The following DPP10 variants were observed in gnomAD, a reference collection of about 807,000 sequenced individuals.
The protein encoded by DPP10 is dipeptidyl peptidase like 10.
In DPP10, 33 loss-of-function variants were observed where a neutral mutation model predicts 120.9. The observed-to-expected ratio is 0.27, with a 90% CI of 0.21 to 0.37. The LOEUF is 0.37. Ranked by LOEUF, DPP10 falls within the 10% of genes least tolerant of loss-of-function variation. The pLI is 1.00. For missense variants in DPP10, 816 were observed against 942.8 expected (o/e 0.87, Z 1.76); for synonymous variants, 337 against 326.1 (o/e 1.03, Z -0.36).
chr2:115,378,161 G>C (rs1470291127), intron 3 of DPP10, among the ~76,000 whole-genome samples: 1 of 152,046 alleles, frequency 6.6e-6, no homozygotes, highest in Non-Finnish European at 1.5e-5. Flanking sequence ...CCATTTTCAC[G>C]CTATTGATTC....
chr2:115,295,660 A>G (rs1164140564), intron 1 of DPP10, among the ~76,000 whole-genome samples: 2 of 152,104 alleles, frequency 1.3e-5, no homozygotes, highest in Non-Finnish European at 2.9e-5. Context: ...AAAAATAATT[A>G]AAAGCACATT....
At chr2:115,418,680 G>T (rs2104655081) in intron 3 of DPP10, among the ~76,000 whole-genome samples, 1 of 152,066 alleles carries the variant, frequency 6.6e-6, no homozygotes, top group African/African-American at 2.4e-5. Context: ...TCTGAGGAAG[G>T]AGGATCACTT....
At chr2:115,015,296 C>T (rs1035527510) in intron 1 of DPP10, among the ~76,000 whole-genome samples, 5 of 152,136 alleles carry the variant, frequency 3.3e-5, no homozygotes, top group Admixed American at 3.3e-4. Context: ...CGATAAAATT[C>T]AACAGCTCTT....
At chr2:114,810,990 A>G (rs1480750673) in intron 1 of DPP10, among the ~76,000 whole-genome samples, 1 of 152,194 alleles carries the variant, frequency 6.6e-6, no homozygotes, top group African/African-American at 2.4e-5. Context: ...AATGATTGTC[A>G]CCACCTGTTA....
rs895024263 is a variant in DPP10, at chr2:115,697,712, G to A, written c.576+7791G>A. Among the ~76,000 whole-genome samples, 13 of 152,070 alleles carry A rather than the reference G, an allele frequency of 8.5e-5. No homozygotes were observed. The East Asian group carries it at 1.2e-3, about 14-fold the overall frequency. The stretch of plus-strand genomic sequence containing the variant: ...TTTAAAAAACACAGTAAGGCCAGGT[G>A]CAGTGGCTGACGCCTGTAATCCCAG... On this transcript the variant is annotated intron_variant, in intron 7 of 25. Coordinates refer to ENST00000410059, the MANE Select transcript of DPP10 (RefSeq NM_020868.6).
intron 1 of DPP10, among the ~76,000 whole-genome samples, chr2:115,148,068 G>A (rs895170870): frequency 2.0e-5 from 3 of 152,258 alleles, no homozygotes; most frequent in Admixed American, 6.5e-5. Flanking sequence ...TGCAGACTGA[G>A]TACTACAGTC....
intron 1 of DPP10, among the ~76,000 whole-genome samples, chr2:114,590,412 T>G (rs7573273): frequency 0.15 from 23,481 of 152,180 alleles, 2,275 homozygotes; most frequent in African/African-American, 0.27. Context: ...TTGCTTTTCT[T>G]AATTGGGTAA....
rs572072056 is a variant in DPP10 at position 115,158,882 on chromosome 2, C to G, written c.61-150357C>G. Among the ~76,000 whole-genome samples the G allele has an allele frequency of 1.8e-3, 267 of 151,852 alleles. 2 individuals carry two copies. Among genetic ancestry groups the G allele is most frequent in the African/African-American group, 6.3e-3 (263 of 41,420 alleles). On this transcript the variant is annotated intron_variant, in intron 1 of 25. Coordinates refer to ENST00000410059, the MANE Select transcript of DPP10 (RefSeq NM_020868.6). ...TTTAAATTTCAGATTTAAACATTAT[C>G]AAGACAAAATTGTGACTATGTGCAT...
chr2:115,769,872 A>G (rs1473098379), intron 13 of DPP10, among the ~76,000 whole-genome samples: 1 of 152,090 alleles, frequency 6.6e-6, no homozygotes, highest in Non-Finnish European at 1.5e-5. Context: ...CCCCTAAAAT[A>G]TCACACTTCC....
At chr2:115,841,535 C>T (rs1053195538) in intron 25 of DPP10, among the ~76,000 whole-genome samples, 1 of 152,040 alleles carries the variant, frequency 6.6e-6, no homozygotes, top group Non-Finnish European at 1.5e-5. Context: ...CACAAACTAC[C>T]ACGTTTAGGA....
chr2:114,540,594 C>G (rs775894170), intron 1 of DPP10, among the ~76,000 whole-genome samples: 2 of 152,156 alleles, frequency 1.3e-5, no homozygotes, highest in African/African-American at 4.8e-5. Context: ...TCAGATGGAG[C>G]CACACTAAAT....
intron 4 of DPP10, among the ~76,000 whole-genome samples, chr2:115,524,645 G>A (rs1010167812): frequency 2.0e-5 from 3 of 152,092 alleles, no homozygotes; most frequent in African/African-American, 7.2e-5. Flanking sequence ...GAGTGGGGCT[G>A]AAATTTCTAA....
intron 1 of DPP10, among the ~76,000 whole-genome samples, chr2:115,127,561 T>C (rs1201153912): frequency 6.6e-6 from 1 of 152,212 alleles, no homozygotes; most frequent in Admixed American, 6.5e-5. Context: ...TCTATCAAGA[T>C]GGGTAAGATT....
At chr2:115,319,881 A>C (rs2061975634) in intron 2 of DPP10, among the ~76,000 whole-genome samples, 1 of 152,110 alleles carries the variant, frequency 6.6e-6, no homozygotes, top group African/African-American at 2.4e-5. Context: ...CAGAAGGAAA[A>C]GACAGCCTTC....
intron 8 of DPP10, among the ~76,000 whole-genome samples, chr2:115,733,932 A>G (rs55646849): frequency 0.085 from 13,013 of 152,302 alleles, 610 homozygotes; most frequent in South Asian, 0.13. Flanking sequence ...TAAATAATAT[A>G]ATATAATTAA....
At chr2:114,786,473 T>C (rs1682778782) in intron 1 of DPP10, among the ~76,000 whole-genome samples, 1 of 152,216 alleles carries the variant, frequency 6.6e-6, no homozygotes. Flanking sequence ...GGAGCCATGG[T>C]GTATTTTGAA....
chr2:115,202,690 T>C (rs1370053190), intron 1 of DPP10, among the ~76,000 whole-genome samples: 1 of 152,224 alleles, frequency 6.6e-6, no homozygotes, highest in Non-Finnish European at 1.5e-5. Context: ...TAGCACTTTC[T>C]GTGATGAGTA....
intron 1 of DPP10, among the ~76,000 whole-genome samples, chr2:115,235,185 T>C (rs953228373): frequency 1.3e-5 from 2 of 152,188 alleles, no homozygotes; most frequent in Admixed American, 6.6e-5. Flanking sequence ...GTTCAGAGAA[T>C]TGGACTTACC....
At chr2:115,619,872 C>T (rs991206773) in intron 5 of DPP10, among the ~76,000 whole-genome samples, 2 of 151,998 alleles carry the variant, frequency 1.3e-5, no homozygotes, top group African/African-American at 4.8e-5. Context: ...AGTAGATGAA[C>T]GAGTGATTTA....
Sources: gnomAD v4.1 joint callset for allele counts (sites outside exome capture counted in the v4.1 genomes callset) on GRCh38, gnomAD v4.1.1 for gene constraint, MANE v1.5 for transcripts, NCBI Gene and HGNC (gene_info 2026-07-23, HGNC 2026-07-21) for gene names.